KIF11: variants seen among roughly 807,000 people sequenced by gnomAD.
The protein encoded by KIF11 is kinesin-like protein KIF11.
KIF11 carries 9 observed loss-of-function variants against 121.0 expected under a neutral mutation model. That is an observed-to-expected ratio of 0.07 (90% CI 0.04 to 0.13). The LOEUF (loss-of-function observed/expected upper bound fraction) is 0.13. Among genes scored for constraint, KIF11 ranks in the 10% least tolerant of loss-of-function variants. The probability of loss-of-function intolerance (pLI) is 1.00; values close to 1 mark genes in which losing one functional copy is unlikely to be tolerated. For synonymous variants in KIF11, 408 were observed against 421.0 expected, an observed-to-expected ratio of 0.97 and a Z score of 0.38; for missense variants, 846 against 1,217.5, an observed-to-expected ratio of 0.69 and a Z score of 4.54.
chr10:92,603,571 C>T (rs768292322), intron 1 of KIF11, among the ~76,000 whole-genome samples: 18 of 152,214 alleles, frequency 1.2e-4, no homozygotes, highest in Non-Finnish European at 2.1e-4. Context: ...GGGCTAGTTT[C>T]GAACTTCTGA....
intron 1 of KIF11, among the ~76,000 whole-genome samples, chr10:92,601,447 G>A (rs765066600): frequency 6.6e-6 from 1 of 151,312 alleles, no homozygotes; most frequent in African/African-American, 2.4e-5. Context: ...CTGACCTCGC[G>A]ATCCGCCTGC....
chr10:92,609,303 A>AGAGAGAGT (rs1372794402), intron 5 of KIF11, 82 bp from the exon 6 acceptor site: 20 of 382,612 alleles, frequency 5.2e-5, no homozygotes, highest in East Asian at 2.8e-4. Context: ...AGAGAGAGAG[A>AGAGAGAGT]GTGTGTGTGT....
chr10:92,637,496 G>T lies in KIF11; in HGVS notation c.2111G>T (p.Cys704Phe). The change falls in exon 16 of 22, where the codon TGT (cysteine) becomes TTT (phenylalanine). Residue 704 changes from cysteine (C) to phenylalanine (F), a missense_variant. Physicochemically the swap from Cys to Phe is radical, Grantham distance 205. Transcript: ENST00000260731. ...ICSLVESQKQCGNLTEDLKTI... is the reference protein window; with the variant it reads ...ICSLVESQKQFGNLTEDLKTI... ...TCCTTGGTTGAGTCACAAAAGCAAT[G>T]TGGAAACCTAACTGAAGACCTGAAG... 6.2e-7 allele frequency: 1 copy of T among 1,608,790 alleles called. No individual in the cohort carries two copies.
chr10:92,602,833 T>TACACACACAC (rs770378243), intron 1 of KIF11, among the ~76,000 whole-genome samples: 37 of 119,022 alleles, frequency 3.1e-4, no homozygotes, highest in African/African-American at 7.9e-4. Context: ...CACGTGTGTG[T>TACACACACAC]GTGTGTGTGT....
At chr10:92,633,070 TG>T (rs5787006) in intron 13 of KIF11, among the ~76,000 whole-genome samples, 1 of 151,632 alleles carries the variant, frequency 6.6e-6, no homozygotes, top group Admixed American at 6.6e-5. Context: ...CAACTTTTTT[TG>T]GGGGGGGCAT....
At chr10:92,607,126 T>C (rs760064141) in intron 3 of KIF11, 33 bp from the exon 4 acceptor site, 2 of 1,327,216 alleles carry the variant, frequency 1.5e-6, no homozygotes, top group Non-Finnish European at 1.1e-6. Flanking sequence ...GGTGCATGTT[T>C]CTTTTTGATT....
chr10:92,621,295 G>A, intron 9 of KIF11, 90 bp from the exon 10 acceptor site: 1 of 650,024 alleles, frequency 1.5e-6, no homozygotes, highest in South Asian at 2.3e-5. Context: ...GACATAAAAA[G>A]GCTAACTTTA....
intron 21 of KIF11, among the ~76,000 whole-genome samples, chr10:92,652,930 C>T (rs1320988547): frequency 1.3e-5 from 2 of 152,162 alleles, no homozygotes; most frequent in Admixed American, 6.5e-5. Context: ...TACAATTTGT[C>T]TCAGCATTGA....
At chr10:92,648,122 A>AAAAAAAAAAAAAAAAAAAAAATT in intron 18 of KIF11, 90 bp from the exon 19 acceptor site, 1 of 921,640 alleles carries the variant, frequency 1.1e-6, no homozygotes, top group East Asian at 2.8e-5. Flanking sequence ...AAAAAAAAAA[A>AAAAAAAAAAAAAAAAAAAAAATT]TTATGGAAAA....
At chr10:92,619,827 A>G (rs1241571329) in intron 9 of KIF11, among the ~76,000 whole-genome samples, 1 of 149,396 alleles carries the variant, frequency 6.7e-6, no homozygotes, top group Non-Finnish European at 1.5e-5. Flanking sequence ...TATATATAAC[A>G]TATACATGTA....
intron 13 of KIF11, among the ~76,000 whole-genome samples, chr10:92,632,978 T>C (rs1844756016): frequency 6.6e-6 from 1 of 151,086 alleles, no homozygotes; most frequent in Non-Finnish European, 1.5e-5. Flanking sequence ...CTCCGGCTCC[T>C]GACCCTGGGT....
chr10:92,651,548 T>TTTTTTTTGAGAC (rs1844984273), intron 21 of KIF11, among the ~76,000 whole-genome samples: 1 of 117,108 alleles, frequency 8.5e-6, no homozygotes, highest in Non-Finnish European at 1.8e-5. Flanking sequence ...TTTTTTTTTT[T>TTTTTTTTGAGAC]AGTAGAGGGG....
rs1387267085 is a variant in KIF11, at chr10:92,648,370, A to T, written c.2706A>T (p.Ile902=). 2 of 1,612,742 alleles carry T rather than the reference A, an allele frequency of 1.2e-6. No homozygotes were observed. Among genetic ancestry groups the T allele is most frequent in the East Asian group, 2.2e-5 (1 of 44,836 alleles). ...IAQNLELNET[I]KIGLTKLNCF... ...AAAATCTAGAACTTAATGAAACCATAAAAATTGGTTTGACTAAGCTTAATT... is the reference window on the plus strand; with the variant it reads ...AAAATCTAGAACTTAATGAAACCATTAAAATTGGTTTGACTAAGCTTAATT... Residue 902 remains isoleucine, a synonymous_variant, in exon 19 of 22, where the codon ATA becomes ATT. Coordinates refer to ENST00000260731, the MANE Select transcript of KIF11 (RefSeq NM_004523.4).
chr10:92,651,961 C>CTTTTT (rs36000362), intron 21 of KIF11, among the ~76,000 whole-genome samples: 12 of 102,548 alleles, frequency 1.2e-4, no homozygotes, highest in South Asian at 4.0e-4. Flanking sequence ...ATGCTTGTAC[C>CTTTTT]TTTTTTTTTT....
At chr10:92,642,529 A>G (rs900800207) in intron 17 of KIF11, among the ~76,000 whole-genome samples, 2 of 152,152 alleles carry the variant, frequency 1.3e-5, no homozygotes, top group African/African-American at 2.4e-5. Context: ...TATTTGTTCT[A>G]TCAGTGACTT....
Position 92,607,234 on chromosome 10 carries a change from A to T in KIF11, c.384A>T (p.Glu128Asp), listed in dbSNP as rs1844440034. 6.4e-7 allele frequency: 1 copy of T among 1,573,024 alleles called. No individual in the cohort carries two copies. The highest frequency in any genetic ancestry group is 8.7e-7 in the Non-Finnish European group (1 of 1,144,248). ...ERSPNEEYTW[E>D]EDPLAGIIPR... ...CACCTAATGAAGAGTATACCTGGGA[A>T]GAGGTATTTATTGTTTATAACATAC... Residue 128 changes from glutamate to aspartate, a missense_variant, in exon 4 of 22, where the codon GAA becomes GAT. This residue lies in a region of KIF11 where 140 missense variants were observed against 193.5 expected (regional missense o/e 0.72). Coordinates refer to ENST00000260731, the MANE Select transcript of KIF11 (RefSeq NM_004523.4).
In KIF11 at chr10:92,653,820, A is replaced by G. The variant is rs1344267188; in HGVS notation, c.*24A>G. 1.3e-6 allele frequency: 2 copies of G among 1,589,088 alleles called. No individual in the cohort carries two copies. The highest frequency in any genetic ancestry group is 1.7e-6 in the Non-Finnish European group (2 of 1,171,852). ...AATTCACTTGGGGGTTGGCAATTTTATTTTTAAAGAAAACTTAAAAATAAA... is the reference window on the plus strand; with the variant it reads ...AATTCACTTGGGGGTTGGCAATTTTGTTTTTAAAGAAAACTTAAAAATAAA... On this transcript the variant is annotated 3_prime_UTR_variant, in exon 22 of 22. Transcript: ENST00000260731.
Position 92,637,287 on chromosome 10 carries a change from C to T in KIF11, c.1979C>T (p.Thr660Ile). 2 of 1,592,906 alleles carry T rather than the reference C, an allele frequency of 1.3e-6. No homozygotes were observed. The highest frequency in any genetic ancestry group is 1.7e-6 in the Non-Finnish European group (2 of 1,175,336). ...AGTCAACTAAAGCATATTTTCAAGACTTCATTGACAGTGGCCGATAAGGTA... is the reference window on the plus strand; with the variant it reads ...AGTCAACTAAAGCATATTTTCAAGATTTCATTGACAGTGGCCGATAAGGTA... The part of the protein sequence containing the change: ...INSQLKHIFK[T>I]SLTVADKIED... The change falls in exon 15 of 22, where the codon ACT (threonine) becomes ATT (isoleucine). Residue 660 changes from threonine (T) to isoleucine (I), a missense_variant. Around this residue, in one of 5 missense-constraint regions of KIF11, gnomAD observed 492 missense variants for 603.4 expected, o/e 0.82. Transcript: ENST00000260731.
intron 4 of KIF11, among the ~76,000 whole-genome samples, chr10:92,608,097 A>G (rs924609663): frequency 2.6e-5 from 4 of 151,048 alleles, no homozygotes; most frequent in Non-Finnish European, 5.9e-5. Flanking sequence ...AAAACCAAAA[A>G]ACTAGTTAAT....
Sources: allele counts gnomAD v4.1 joint callset (sites outside exome capture counted in the v4.1 genomes callset), GRCh38; gene constraint gnomAD v4.1.1; regional missense constraint gnomAD v4.1.1; transcripts MANE v1.5; gene names NCBI Gene and HGNC (gene_info 2026-07-23, HGNC 2026-07-21).